The following DENND2A variants were observed in gnomAD, a reference collection of about 807,000 sequenced individuals.
DENND2A encodes the protein DENN domain-containing protein 2A.
In DENND2A, 53 loss-of-function variants were observed where a neutral mutation model predicts 105.3. That is an observed-to-expected ratio of 0.50 (90% CI 0.40 to 0.63). The LOEUF is 0.63. Among genes scored for constraint, DENND2A ranks in the 30% least tolerant of loss-of-function variants. DENND2A has a pLI of 0.00. For synonymous variants in DENND2A, 522 were observed against 508.4 expected (o/e 1.03, Z -0.36); for missense variants, 1,138 against 1,279.6 (o/e 0.89, Z 1.69).
chr7:140,559,490 T>C lies in DENND2A; in HGVS notation c.1889+218A>G, dbSNP rs1797525225. ...TCTTCCGGGAGGCTTCTGAAACAAG[T>C]ATCCCCAGATTGAGTGGGAAGCCCG... On this transcript the variant is annotated intron_variant, in intron 10 of 19. Transcript: ENST00000496613. This position sits in a 1 kb window ranked among gnomAD's most constrained non-coding sequence, Gnocchi z 4.1. 6.6e-6 allele frequency among the ~76,000 whole-genome samples: 1 copy of C among 152,176 alleles called. No individual in the cohort carries two copies. The highest frequency in any genetic ancestry group is 1.5e-5 in the Non-Finnish European group (1 of 68,026).
At chr7:140,586,082 T>G (rs911475561) in intron 4 of DENND2A, among the ~76,000 whole-genome samples, 6 of 151,822 alleles carry the variant, frequency 4.0e-5, no homozygotes, top group Non-Finnish European at 8.8e-5. Flanking sequence ...CTAATGAGGG[T>G]GAACCTCAGG....
chr7:140,524,205 G>C (rs1795963493), intron 16 of DENND2A, among the ~76,000 whole-genome samples: 1 of 152,156 alleles, frequency 6.6e-6, no homozygotes, highest in Non-Finnish European at 1.5e-5. Flanking sequence ...CAGCATTAAT[G>C]CTACTGAACT....
intron 14 of DENND2A, among the ~76,000 whole-genome samples, chr7:140,539,740 C>G (rs1298710133): frequency 3.3e-5 from 5 of 152,268 alleles, no homozygotes; most frequent in Non-Finnish European, 5.9e-5. Flanking sequence ...AGAGGCCACT[C>G]CACGCCCCGT....
chr7:140,630,704 A>G (rs1477817297), intron 1 of DENND2A, among the ~76,000 whole-genome samples: 1 of 152,066 alleles, frequency 6.6e-6, no homozygotes, highest in Non-Finnish European at 1.5e-5. Context: ...AAAATAAAAT[A>G]CAAAAAATTA....
Position 140,601,977 on chromosome 7 carries a change from G to C in DENND2A, c.421C>G (p.Arg141Gly), listed in dbSNP as rs756580492. 1 of 1,614,146 alleles carries C rather than the reference G, an allele frequency of 6.2e-7. No homozygotes were observed. Among genetic ancestry groups the C allele is most frequent in the Non-Finnish European group, 8.5e-7 (1 of 1,180,014 alleles). The change falls in exon 3 of 20, where the codon CGA (arginine) becomes GGA (glycine). Residue 141 changes from arginine (R) to glycine (G), a missense_variant. Physicochemically the swap from Arg to Gly is moderately radical, Grantham distance 125 (BLOSUM62 -2). Transcript: ENST00000496613. The stretch of plus-strand genomic sequence containing the variant: ...TTGCCAAGTCTTGGCTCTCGGCCTC[G>C]GCCCCAGCTAGGATCCACTTCCCGT... ...PEREVDPSWG[R>G]GREPRLGKLR...
chr7:140,547,054 C>A, intron 12 of DENND2A, 115 bp from the exon 13 acceptor site: 1 of 1,377,970 alleles, frequency 7.3e-7, no homozygotes, highest in Non-Finnish European at 9.8e-7. Context: ...GGAAGCCCTG[C>A]TTTCCCCATG....
intron 13 of DENND2A, among the ~76,000 whole-genome samples, chr7:140,545,132 A>T (rs1381515325): frequency 6.6e-6 from 1 of 152,068 alleles, no homozygotes; most frequent in Admixed American, 6.6e-5. Context: ...AGGACTTTTG[A>T]AAACGGTTCT....
chr7:140,544,865 G>A, intron 13 of DENND2A, 99 bp from the exon 14 acceptor site: 2 of 1,509,374 alleles, frequency 1.3e-6, no homozygotes, highest in Non-Finnish European at 1.8e-6. Flanking sequence ...CCTCATCAGG[G>A]GTGACCCACT....
intron 13 of DENND2A, among the ~76,000 whole-genome samples, chr7:140,545,218 G>C (rs1195506167): frequency 1.3e-5 from 2 of 152,166 alleles, no homozygotes; most frequent in African/African-American, 4.8e-5. Flanking sequence ...TCCCAGACTA[G>C]CATGGAACGC....
intron 1 of DENND2A, among the ~76,000 whole-genome samples, chr7:140,638,400 A>G (rs919812565): frequency 6.6e-6 from 1 of 152,126 alleles, no homozygotes; most frequent in Non-Finnish European, 1.5e-5. Context: ...TCTGTGCCCA[A>G]ACCAGTCACC....
chr7:140,587,539 A>AGTGT (rs375224965), intron 4 of DENND2A, 114 bp downstream of exon 4: 4 of 1,354,728 alleles, frequency 3.0e-6, no homozygotes, highest in Middle Eastern at 2.6e-4. Context: ...GGTGTCTTCA[A>AGTGT]GTGTGTGTGT....
chr7:140,547,843 G>C (rs1796969092), intron 12 of DENND2A, among the ~76,000 whole-genome samples: 1 of 152,140 alleles, frequency 6.6e-6, no homozygotes, highest in Non-Finnish European at 1.5e-5. Context: ...GATGACTCTT[G>C]AAAACATTAT....
chr7:140,555,999 A>G lies in DENND2A; in HGVS notation c.1960-286T>C, dbSNP rs141042780. ...GCTAATTTTCAAACAAAAAAAAATC[A>G]ATCTCAATACTTTTTTTGTTTTGTT... is the stretch of plus-strand genomic sequence containing the variant. On this transcript the variant is annotated intron_variant, in intron 11 of 19. Transcript: ENST00000496613. 3.7e-3 allele frequency among the ~76,000 whole-genome samples: 569 copies of G among 152,256 alleles called. 3 individuals are homozygous for G. Among genetic ancestry groups the G allele is most frequent in the African/African-American group, 0.013 (541 of 41,564 alleles).
chr7:140,606,571 C>T (rs1799693286), intron 1 of DENND2A, among the ~76,000 whole-genome samples: 2 of 152,134 alleles, frequency 1.3e-5, no homozygotes, highest in African/African-American at 2.4e-5. Flanking sequence ...TACCCTTCTG[C>T]GAACCCTGAC....
intron 1 of DENND2A, among the ~76,000 whole-genome samples, chr7:140,625,617 G>A (rs913244502): frequency 3.3e-5 from 5 of 152,122 alleles, no homozygotes; most frequent in Admixed American, 6.5e-5. Flanking sequence ...AGGAGGCAGC[G>A]TTTGCAGTGA....
chr7:140,522,618 A>G (rs1003767766), intron 17 of DENND2A, among the ~76,000 whole-genome samples: 9 of 139,582 alleles, frequency 6.4e-5, no homozygotes, highest in African/African-American at 1.9e-4. Flanking sequence ...CCAGCCTTTT[A>G]TTTTTTTTGA....
Position 140,601,539 on chromosome 7 carries a change from T to C in DENND2A, c.859A>G (p.Ile287Val), listed in dbSNP as rs745450247. 2 of 1,614,058 alleles carry C rather than the reference T, an allele frequency of 1.2e-6. No homozygotes were observed. Among genetic ancestry groups the C allele is most frequent in the South Asian group, 2.2e-5 (2 of 91,074 alleles). Residue 287 changes from isoleucine to valine, a missense_variant, in exon 3 of 20, where the codon ATC becomes GTC. Ile to Val is a conservative substitution (Grantham distance 29, BLOSUM62 3). Transcript: ENST00000496613. The stretch of plus-strand genomic sequence containing the variant: ...TTTCTTTTCTCTTTCCTGAAGCCGA[T>C]GCCAGGCTTCCCATCTTTGTCCCCT... ...GEGDKDGKPGIGFRKEKRNLP... is the reference protein window; with the variant it reads ...GEGDKDGKPGVGFRKEKRNLP...
intron 17 of DENND2A, 111 bp from the exon 18 acceptor site, chr7:140,522,211 G>A (rs1795886402): frequency 1.4e-6 from 2 of 1,381,612 alleles, no homozygotes; most frequent in Non-Finnish European, 2.0e-6. Flanking sequence ...TTCCCTTGAT[G>A]GAAACTGCGA....
chr7:140,537,414 G>A (rs953280023), intron 14 of DENND2A, among the ~76,000 whole-genome samples: 3 of 152,068 alleles, frequency 2.0e-5, no homozygotes, highest in African/African-American at 7.2e-5. Context: ...ATGGTTTAAC[G>A]CACTACAAAC....
Sources: gnomAD v4.1 joint callset for allele counts (sites outside exome capture counted in the v4.1 genomes callset) on GRCh38, gnomAD v4.1.1 for gene constraint, Gnocchi (gnomAD v3.1) non-coding constraint, MANE v1.5 for transcripts, NCBI Gene and HGNC (gene_info 2026-07-23, HGNC 2026-07-21) for gene names.